SCARA3: variants seen among roughly 807,000 people sequenced by gnomAD.
SCARA3 encodes the protein cellular stress response gene protein.
Under a neutral mutation model 47.0 loss-of-function variants are expected in SCARA3, and 39 were observed. The observed-to-expected ratio is 0.83, with a 90% CI of 0.64 to 1.08. SCARA3 has a LOEUF of 1.08. Among genes scored for constraint, SCARA3 ranks in the 50% least tolerant of loss-of-function variants. SCARA3 has a pLI of 0.00. For synonymous variants in SCARA3, 356 were observed against 334.1 expected (o/e 1.07, Z -0.71); for missense variants, 724 against 792.3 (o/e 0.91, Z 1.04).
At position 27,671,065 on chromosome 8, in the gene SCARA3, C is replaced by T. The variant is rs1802139797; in HGVS notation, c.1535C>T (p.Pro512Leu). ...GEAGPVGERG[P>L]VGPRGFPGLK... is the part of the protein sequence containing the mutation. ...GCCGGGCCTGTGGGAGAAAGGGGCCCTGTTGGCCCTCGAGGGTTCCCAGGC... is the reference window on the plus strand; with the variant it reads ...GCCGGGCCTGTGGGAGAAAGGGGCCTTGTTGGCCCTCGAGGGTTCCCAGGC... The change falls in exon 6 of 6, where the codon CCT becomes CTT. Residue 512 changes from proline (P) to leucine (L), a missense_variant. Coordinates refer to ENST00000301904, the MANE Select transcript of SCARA3 (RefSeq NM_016240.3). The T allele has an allele frequency of 6.2e-7, 1 of 1,612,246 alleles. No individual in the cohort carries two copies. The highest frequency in any genetic ancestry group is 2.2e-5 in the East Asian group (1 of 44,842).
chr8:27,710,394 A>T, the SCARA3 span, among the ~76,000 whole-genome samples: 1 of 152,214 alleles, frequency 6.6e-6, no homozygotes, highest in Admixed American at 6.5e-5. Context: ...TATTTTATAC[A>T]TACAGCCTCT....
At chr8:27,638,241 T>G (rs1801298988) in intron 1 of SCARA3, among the ~76,000 whole-genome samples, 1 of 152,058 alleles carries the variant, frequency 6.6e-6, no homozygotes, top group Admixed American at 6.6e-5. Context: ...TTAGAATTGA[T>G]GTACAGGGTG....
the SCARA3 span, among the ~76,000 whole-genome samples, chr8:27,732,426 T>C: frequency 0.43 from 66,024 of 152,036 alleles, 14,605 homozygotes; most frequent in East Asian, 0.63. Context: ...CCTACAGTCA[T>C]ACCGCTAAGG....
At chr8:27,653,211 G>A (rs1801669703) in intron 3 of SCARA3, among the ~76,000 whole-genome samples, 1 of 152,230 alleles carries the variant, frequency 6.6e-6, no homozygotes, top group South Asian at 2.1e-4. Context: ...CCAGAGAAGA[G>A]CGCAGGCACC....
In SCARA3 at chr8:27,659,172, C is replaced by T. The variant is rs140763076; in HGVS notation, c.1002C>T (p.Tyr334=). Residue 334 remains tyrosine, a synonymous_variant, in exon 5 of 6, where the codon TAC becomes TAT. Coordinates refer to ENST00000301904, the MANE Select transcript of SCARA3 (RefSeq NM_016240.3). ...NMHDLQYHTH[Y]AQNRTVERFE... Reference sequence around the variant, plus strand: ...ATGATCTTCAGTACCATACCCACTACGCCCAGAACCGCACTGTGGAGAGGT... The same window carrying T: ...ATGATCTTCAGTACCATACCCACTATGCCCAGAACCGCACTGTGGAGAGGT... 63 of 1,614,158 alleles carry T rather than the reference C, an allele frequency of 3.9e-5. 1 individual carries two copies. The highest frequency in any genetic ancestry group is 3.5e-4 in the South Asian group (32 of 91,072).
intron 1 of SCARA3, among the ~76,000 whole-genome samples, chr8:27,644,565 T>TA (rs1262769508): frequency 3.3e-5 from 5 of 151,438 alleles, no homozygotes; most frequent in African/African-American, 4.9e-5. Context: ...TCCAAGCCCA[T>TA]CCGCTCCTGC....
chr8:27,729,697 A>C, the SCARA3 span, among the ~76,000 whole-genome samples: 4 of 152,200 alleles, frequency 2.6e-5, no homozygotes, highest in African/African-American at 9.7e-5. Context: ...AGCCTGAGGC[A>C]GGAGAATCGC....
At chr8:27,722,675 T>C in the SCARA3 span, among the ~76,000 whole-genome samples, 1 of 152,322 alleles carries the variant, frequency 6.6e-6, no homozygotes, top group East Asian at 1.9e-4. Context: ...TTCCATTCAT[T>C]TTCAAGCCTT....
intron 3 of SCARA3, among the ~76,000 whole-genome samples, chr8:27,655,517 G>A (rs935022382): frequency 1.3e-5 from 2 of 152,114 alleles, no homozygotes; most frequent in African/African-American, 4.8e-5. Context: ...TGCCCGTGGG[G>A]TATAAAGTGG....
At chr8:27,650,195 A>G (rs904429467) in intron 2 of SCARA3, among the ~76,000 whole-genome samples, 3 of 151,944 alleles carry the variant, frequency 2.0e-5, no homozygotes, top group African/African-American at 4.8e-5. Flanking sequence ...GAGTCTTGCT[A>G]TGTTGCCCAG....
chr8:27,700,939 C>T, the SCARA3 span, among the ~76,000 whole-genome samples: 3 of 152,090 alleles, frequency 2.0e-5, no homozygotes, highest in Admixed American at 2.0e-4. Context: ...GGGTTTTTAC[C>T]CAAGAGAAAT....
chr8:27,671,159 A>G lies in SCARA3; in HGVS notation c.1629A>G (p.Ile543Met), dbSNP rs543285956. ...GACAGCCAGGCCCAAAAGGGGACAT[A>G]GGGCCCCCAGGGCCAGAAGGGCCCC... ...PRGQPGPKGD[I>M]GPPGPEGPPG... The change falls in exon 6 of 6, where the codon ATA becomes ATG. Residue 543 changes from isoleucine to methionine, a missense_variant. Ile to Met is a conservative substitution (Grantham distance 10, BLOSUM62 1). Coordinates refer to ENST00000301904, the MANE Select transcript of SCARA3 (RefSeq NM_016240.3). The G allele has an allele frequency of 9.1e-6, 14 of 1,531,984 alleles. No homozygotes were observed. The African/African-American group carries it at 1.5e-4, about 17-fold the overall frequency. The allele number at this position is 1,531,984 out of a possible 1,614,324, so 94.9% of individuals were successfully genotyped here.
the SCARA3 span, among the ~76,000 whole-genome samples, chr8:27,717,875 C>G: frequency 6.6e-6 from 1 of 152,190 alleles, no homozygotes. Context: ...TGCCTTAGCA[C>G]GGCGTTAAGT....
chr8:27,673,855 G>A (rs1024328238), downstream of SCARA3, among the ~76,000 whole-genome samples: 7 of 152,140 alleles, frequency 4.6e-5, no homozygotes, highest in African/African-American at 1.2e-4. Context: ...CTCATTTCAC[G>A]CTCCCTGAAC....
downstream of SCARA3, among the ~76,000 whole-genome samples, chr8:27,674,942 TG>T (rs1440286505): frequency 1.3e-5 from 2 of 152,090 alleles, no homozygotes; most frequent in African/African-American, 4.8e-5. Context: ...TTGGCCAGGA[TG>T]GTCTCGATCT....
At position 27,671,397 on chromosome 8, in the gene SCARA3, G is replaced by A. The variant is rs188326127; in HGVS notation, c.*46G>A. On this transcript the variant is annotated 3_prime_UTR_variant, in exon 6 of 6. Transcript: ENST00000301904. ...CTGTCACACAGAATGCCGGAGGGGC[G>A]CAGAGCAGATCCAGGCCCCAGAAAG... 2.3e-5 allele frequency: 31 copies of A among 1,374,574 alleles called. No individual in the cohort carries two copies. Among genetic ancestry groups the A allele is most frequent in the East Asian group, 1.2e-4 (4 of 34,454 alleles). The allele number at this position is 1,374,574 out of a possible 1,614,324, so 85.1% of individuals were successfully genotyped here.
downstream of SCARA3, among the ~76,000 whole-genome samples, chr8:27,678,302 G>T (rs560623652): frequency 4.6e-5 from 7 of 152,124 alleles, no homozygotes; most frequent in African/African-American, 1.7e-4. Flanking sequence ...AGACTAATCA[G>T]AAATAAAAGA....
chr8:27,641,768 G>A (rs1384640611), intron 1 of SCARA3, among the ~76,000 whole-genome samples: 1 of 152,190 alleles, frequency 6.6e-6, no homozygotes, highest in Non-Finnish European at 1.5e-5. Flanking sequence ...CAGAGGGCAG[G>A]CAGGATGTGT....
chr8:27,718,005 G>A, the SCARA3 span, among the ~76,000 whole-genome samples: 4 of 152,140 alleles, frequency 2.6e-5, no homozygotes, highest in African/African-American at 9.7e-5. Flanking sequence ...AACATTTAGG[G>A]ATGCTTACTG....
Sources: allele counts gnomAD v4.1 joint callset (sites outside exome capture counted in the v4.1 genomes callset), GRCh38; gene constraint gnomAD v4.1.1; transcripts MANE v1.5; gene names NCBI Gene and HGNC (gene_info 2026-07-23, HGNC 2026-07-21).